SMG6: variants seen among roughly 807,000 people sequenced by gnomAD.
SMG6 encodes SMG6 nonsense mediated mRNA decay factor, also known as telomerase-binding protein EST1A.
In SMG6, 66 loss-of-function variants were observed where a neutral mutation model predicts 142.2. The observed-to-expected ratio is 0.46, with a 90% CI of 0.38 to 0.57. The LOEUF (loss-of-function observed/expected upper bound fraction) is 0.57. Ranked by LOEUF, SMG6 falls within the 20% of genes least tolerant of loss-of-function variation. SMG6 has a pLI of 0.00. For missense variants in SMG6, 1,793 were observed against 1,832.0 expected (o/e 0.98, Z 0.39); for synonymous variants, 779 against 702.4 (o/e 1.11, Z -1.72).
intron 15 of SMG6, among the ~76,000 whole-genome samples, chr17:2,072,370 G>T (rs1362487189): frequency 6.6e-6 from 1 of 152,228 alleles, no homozygotes; most frequent in East Asian, 1.9e-4. Flanking sequence ...CAGGTTGGTA[G>T]CAATAAGGAC....
rs562438656 is a variant in SMG6, at chr17:2,125,952, CAA to C, written c.3358-40053_3358-40052del. Among the ~76,000 whole-genome samples the C allele has an allele frequency of 3.1e-3, 330 of 105,116 alleles. 2 individuals are homozygous for C. Among genetic ancestry groups the C allele is most frequent in the African/African-American group, 0.011 (308 of 27,078 alleles). The allele number at this position is 105,116 out of a possible 152,430, so 69.0% of individuals were successfully genotyped here. ...TGGGAGATGGAGTGAGAACCCATCT[CAA>C]AAAAAAAAAAAAAAAAATCATATGG... On this transcript the variant is annotated intron_variant, in intron 13 of 18. Transcript: ENST00000263073.
chr17:2,268,434 G>A (rs982779051), intron 8 of SMG6, among the ~76,000 whole-genome samples: 1 of 152,192 alleles, frequency 6.6e-6, no homozygotes, highest in Non-Finnish European at 1.5e-5. Context: ...CAGCTCAGGT[G>A]CACAAACTAC....
At chr17:2,167,445 A>G (rs1190127924) in intron 13 of SMG6, among the ~76,000 whole-genome samples, 1 of 152,196 alleles carries the variant, frequency 6.6e-6, no homozygotes, top group Non-Finnish European at 1.5e-5. Flanking sequence ...GAATAGAACA[A>G]AGAGAGTATT....
At chr17:2,276,581 TCA>T (rs1448370364) in intron 8 of SMG6, among the ~76,000 whole-genome samples, 1 of 152,088 alleles carries the variant, frequency 6.6e-6, no homozygotes, top group African/African-American at 2.4e-5. Flanking sequence ...AGACAGGGTT[TCA>T]CTATGTTGGT....
intron 10 of SMG6, among the ~76,000 whole-genome samples, chr17:2,209,326 C>T (rs1387358424): frequency 2.0e-5 from 3 of 152,132 alleles, no homozygotes; most frequent in East Asian, 1.9e-4. Flanking sequence ...GATCAGCCTC[C>T]CAAGTAGCTG....
rs1261139671 is a variant in SMG6, at chr17:2,061,453, G to C, written c.*39C>G. On this transcript the variant is annotated 3_prime_UTR_variant, in exon 19 of 19. Transcript: ENST00000263073. The stretch of plus-strand genomic sequence containing the variant: ...ACACTGGGCGCCTGGTGGCCTTTCA[G>C]GAACGGTTCCACGGGGGGGGGGCCC... 2 of 1,506,512 alleles carry C rather than the reference G, an allele frequency of 1.3e-6. No homozygotes were observed. Among genetic ancestry groups the C allele is most frequent in the African/African-American group, 3.3e-5 (2 of 60,740 alleles). 93.3% of individuals were successfully genotyped at this position (1,506,512 alleles called of 1,614,324 possible).
intron 15 of SMG6, among the ~76,000 whole-genome samples, chr17:2,078,266 G>A (rs1049735872): frequency 6.6e-6 from 1 of 152,198 alleles, no homozygotes; most frequent in Non-Finnish European, 1.5e-5. Context: ...GAGAGGAGAA[G>A]AGGGAATAAA....
intron 8 of SMG6, among the ~76,000 whole-genome samples, chr17:2,269,461 A>T (rs962416972): frequency 1.8e-4 from 26 of 148,016 alleles, no homozygotes; most frequent in East Asian, 5.9e-4. Context: ...TATACATTAA[A>T]AAAAAAAAAA....
chr17:2,289,242 C>T (rs1181539788), intron 6 of SMG6, among the ~76,000 whole-genome samples: 4 of 151,532 alleles, frequency 2.6e-5, no homozygotes, highest in Admixed American at 1.3e-4. Context: ...AAAGTGAGAC[C>T]CTGCCTCAAA....
At chr17:2,282,303 T>C (rs1254508838) in intron 8 of SMG6, among the ~76,000 whole-genome samples, 1 of 142,724 alleles carries the variant, frequency 7.0e-6, no homozygotes, top group East Asian at 2.1e-4. Context: ...ATTCTCGGAA[T>C]ATAAGGTCAA....
intron 10 of SMG6, chr17:2,212,628 C>G (rs9895551): frequency 0.38 from 57,104 of 152,128 alleles, 11,019 homozygotes; most frequent in African/African-American, 0.44. Context: ...AAGTAGCACC[C>G]TATTCAGTTA....
At chr17:2,259,941 T>C (rs1005672833) in intron 8 of SMG6, among the ~76,000 whole-genome samples, 1 of 152,068 alleles carries the variant, frequency 6.6e-6, no homozygotes, top group Admixed American at 6.5e-5. Flanking sequence ...ATAAAGCAAA[T>C]AACCAGCACA....
intron 18 of SMG6, among the ~76,000 whole-genome samples, chr17:2,064,553 A>G (rs1567565443): frequency 6.6e-6 from 1 of 152,184 alleles, no homozygotes; most frequent in Non-Finnish European, 1.5e-5. Flanking sequence ...CAGGAAGCAA[A>G]GCCCACTATT....
At chr17:2,138,339 T>C (rs2151566363) in intron 13 of SMG6, among the ~76,000 whole-genome samples, 1 of 152,262 alleles carries the variant, frequency 6.6e-6, no homozygotes, top group Non-Finnish European at 1.5e-5. Context: ...TACAGGAAGT[T>C]TATCCCTGAC....
chr17:2,121,599 G>C lies in SMG6; in HGVS notation c.3358-35698C>G, dbSNP rs1402155160. Among the ~76,000 whole-genome samples, 43 of 10,744 alleles carry C rather than the reference G, an allele frequency of 4.0e-3. 1 individual carries two copies. The highest frequency in any genetic ancestry group is 9.1e-3 in the African/African-American group (13 of 1,426). 7.0% of individuals were successfully genotyped at this position (10,744 alleles called of 152,430 possible). A position where few individuals can be genotyped will look rare whatever the true frequency, so the allele number is the denominator to read the frequency against. On this transcript the variant is annotated intron_variant, in intron 13 of 18. Transcript: ENST00000263073. ...TGTACATGTCTGTCTGTGTGTGTGT[G>C]TGTGTGTGTGTGTGTGTGTGTGTGT...
chr17:2,292,421 G>A, intron 6 of SMG6, 131 bp downstream of exon 6: 1 of 857,252 alleles, frequency 1.2e-6, no homozygotes, highest in East Asian at 2.4e-5. Flanking sequence ...CGTAACAAAA[G>A]GAGTTTGAGG....
chr17:2,179,827 G>A lies in SMG6; in HGVS notation c.3155+6836C>T, dbSNP rs1279028579. Reference sequence around the variant, plus strand: ...TTTCCTATCCTCATTCGGGGTCAGCGCAGTGTCATACAGCTGCAGAGAAAG... The same window carrying A: ...TTTCCTATCCTCATTCGGGGTCAGCACAGTGTCATACAGCTGCAGAGAAAG... On this transcript the variant is annotated intron_variant, in intron 12 of 18. Transcript: ENST00000263073. 5.3e-5 allele frequency among the ~76,000 whole-genome samples: 8 copies of A among 152,146 alleles called. No individual in the cohort carries two copies. In the East Asian group the frequency reaches 7.7e-4, roughly 15 times the overall value.
chr17:2,075,462 T>A (rs1421755487), intron 15 of SMG6, among the ~76,000 whole-genome samples: 1 of 152,198 alleles, frequency 6.6e-6, no homozygotes, highest in African/African-American at 2.4e-5. Context: ...TGTTTGCAAC[T>A]GCTCAGGAAA....
chr17:2,191,995 A>G (rs2072178735), intron 10 of SMG6, among the ~76,000 whole-genome samples: 1 of 152,252 alleles, frequency 6.6e-6, no homozygotes, highest in Non-Finnish European at 1.5e-5. Flanking sequence ...AGAAGTGCTT[A>G]AACAGATAAT....
Sources: gnomAD v4.1 joint callset for allele counts (sites outside exome capture counted in the v4.1 genomes callset) on GRCh38, gnomAD v4.1.1 for gene constraint, MANE v1.5 for transcripts, NCBI Gene and HGNC (gene_info 2026-07-23, HGNC 2026-07-21) for gene names.